PCDH15: variants seen among roughly 807,000 people sequenced by gnomAD.
The protein encoded by PCDH15 is protocadherin-15.
PCDH15 carries 129 observed loss-of-function variants against 178.5 expected under a neutral mutation model. The ratio of observed to expected loss-of-function variants is 0.72; its 90% CI spans 0.63 to 0.84. The LOEUF is 0.84. PCDH15 is among the 40% of genes least tolerant of loss of function. The pLI is 0.00. For synonymous variants in PCDH15, 800 were observed against 732.0 expected, an observed-to-expected ratio of 1.09 and a Z score of -1.50; for missense variants, 2,230 against 2,099.9, an observed-to-expected ratio of 1.06 and a Z score of -1.21.
intron 1 of PCDH15, among the ~76,000 whole-genome samples, chr10:55,285,500 A>C (rs1842842944): frequency 6.6e-6 from 1 of 151,720 alleles, no homozygotes; most frequent in Non-Finnish European, 1.5e-5. Flanking sequence ...AGGTTTGATG[A>C]TATTTAACTT....
intron 3 of PCDH15, among the ~76,000 whole-genome samples, chr10:54,464,328 A>C (rs971533930): frequency 1.1e-4 from 17 of 152,172 alleles, no homozygotes; most frequent in Non-Finnish European, 4.4e-5. Flanking sequence ...TTAAGTTTTC[A>C]AAAAGTTCGA....
chr10:54,990,014 T>A (rs1839462095), intron 2 of PCDH15, among the ~76,000 whole-genome samples: 1 of 152,204 alleles, frequency 6.6e-6, no homozygotes, highest in Non-Finnish European at 1.5e-5. Flanking sequence ...GCCCTCCATG[T>A]AAGATGTGAC....
At chr10:54,185,377 A>G (rs1212627271) in intron 11 of PCDH15, 109 bp from the exon 12 acceptor site, 7 of 1,238,004 alleles carry the variant, frequency 5.7e-6, no homozygotes, top group Non-Finnish European at 8.2e-6. Flanking sequence ...ACGTGAAAGT[A>G]TTAAGAATTT....
chr10:54,251,885 T>C (rs1413144240), intron 8 of PCDH15, among the ~76,000 whole-genome samples: 1 of 152,196 alleles, frequency 6.6e-6, no homozygotes, highest in Non-Finnish European at 1.5e-5. Flanking sequence ...TATTCCATTC[T>C]TAATTAAATT....
intron 20 of PCDH15, among the ~76,000 whole-genome samples, chr10:54,012,573 C>T (rs1393588069): frequency 1.3e-5 from 2 of 152,022 alleles, no homozygotes; most frequent in Admixed American, 6.6e-5. Context: ...ACAAAGAGAA[C>T]CCATCAGGCT....
At chr10:54,213,896 G>T (rs1224172654) in intron 10 of PCDH15, 40 bp downstream of exon 10, 3 of 1,301,606 alleles carry the variant, frequency 2.3e-6, no homozygotes, top group Non-Finnish European at 3.3e-6. Context: ...CTGATTAGCA[G>T]TTCATAAACA....
intron 2 of PCDH15, among the ~76,000 whole-genome samples, chr10:54,622,647 ATATATAC>A (rs199884856): frequency 3.1e-3 from 326 of 103,502 alleles, no homozygotes; most frequent in Non-Finnish European, 4.4e-3. Flanking sequence ...ATATAATTAT[ATATATAC>A]TATATAATAT....
At chr10:54,858,263 A>C (rs1189463654) in intron 3 of PCDH15, among the ~76,000 whole-genome samples, 1 of 152,160 alleles carries the variant, frequency 6.6e-6, no homozygotes, top group Non-Finnish European at 1.5e-5. Context: ...AAGGCTACAT[A>C]ATATTCCGTT....
At chr10:54,811,988 A>G (rs1261632262) in intron 3 of PCDH15, among the ~76,000 whole-genome samples, 1 of 152,174 alleles carries the variant, frequency 6.6e-6, no homozygotes, top group East Asian at 1.9e-4. Flanking sequence ...ATAAATTATA[A>G]TTTCTAAGAA....
chr10:54,671,593 T>C (rs2094674337), intron 1 of PCDH15, among the ~76,000 whole-genome samples: 1 of 152,136 alleles, frequency 6.6e-6, no homozygotes, highest in African/African-American at 2.4e-5. Flanking sequence ...TCTTCTGTAA[T>C]TGACAGATGA....
chr10:54,910,714 G>T (rs1479489358), intron 2 of PCDH15, among the ~76,000 whole-genome samples: 2 of 151,954 alleles, frequency 1.3e-5, no homozygotes, highest in African/African-American at 4.8e-5. Context: ...TGCAGAATAA[G>T]GTATGCAAAA....
At chr10:55,065,439 C>G (rs1841538845) in intron 2 of PCDH15, among the ~76,000 whole-genome samples, 1 of 152,070 alleles carries the variant, frequency 6.6e-6, no homozygotes, top group Non-Finnish European at 1.5e-5. Context: ...TATGACTCTA[C>G]AGTAAGGCAA....
chr10:55,525,999 G>A (rs1189138480), intron 2 of PCDH15, among the ~76,000 whole-genome samples: 2 of 151,688 alleles, frequency 1.3e-5, no homozygotes, highest in African/African-American at 4.8e-5. Context: ...AGAGTTGTCA[G>A]GATCAATAAA....
chr10:54,055,673 C>T (rs535069213), intron 18 of PCDH15, among the ~76,000 whole-genome samples: 1 of 152,188 alleles, frequency 6.6e-6, no homozygotes, highest in African/African-American at 2.4e-5. Flanking sequence ...TCCCTCCCCC[C>T]TCAACCTCCA....
chr10:54,521,844 C>T (rs1464333782), intron 3 of PCDH15, among the ~76,000 whole-genome samples: 2 of 151,938 alleles, frequency 1.3e-5, no homozygotes, highest in African/African-American at 4.8e-5. Flanking sequence ...AATCCCAGCA[C>T]TTTGGGAGGC....
chr10:55,091,071 G>C (rs1157958583), intron 2 of PCDH15, among the ~76,000 whole-genome samples: 4 of 151,716 alleles, frequency 2.6e-5, no homozygotes, highest in Non-Finnish European at 5.9e-5. Context: ...AAATGCAAAA[G>C]ACAGTTTTAA....
At chr10:55,343,850 G>C (rs1219703762) in intron 2 of PCDH15, among the ~76,000 whole-genome samples, 1 of 151,930 alleles carries the variant, frequency 6.6e-6, no homozygotes, top group Non-Finnish European at 1.5e-5. Context: ...AAAATAGTTA[G>C]AAAAACAGAA....
intron 2 of PCDH15, among the ~76,000 whole-genome samples, chr10:55,113,949 A>T (rs900084559): frequency 6.6e-6 from 1 of 151,726 alleles, no homozygotes; most frequent in African/African-American, 2.4e-5. Flanking sequence ...ATTTATTTTT[A>T]TTTTTATTTT....
chr10:55,544,139 CATATATATATATATATATAT>C (rs1176456895), intron 2 of PCDH15, among the ~76,000 whole-genome samples: 3 of 54,346 alleles, frequency 5.5e-5, no homozygotes, highest in Non-Finnish European at 1.0e-4. Context: ...CTTATACATA[CATATATATATATATATATAT>C]ATATATATAT....
Sources: allele counts gnomAD v4.1 joint callset (sites outside exome capture counted in the v4.1 genomes callset), GRCh38; gene constraint gnomAD v4.1.1; transcripts MANE v1.5; gene names NCBI Gene and HGNC (gene_info 2026-07-23, HGNC 2026-07-21).